C21orf58: variants seen among roughly 807,000 people sequenced by gnomAD.
The protein encoded by C21orf58 is chromosome 21 open reading frame 58, also known as uncharacterized protein C21orf58.
Under a neutral mutation model 35.8 loss-of-function variants are expected in C21orf58, and 34 were observed. That is an observed-to-expected ratio of 0.95 (90% CI 0.72 to 1.26). The LOEUF (loss-of-function observed/expected upper bound fraction) is 1.26, where lower values mean the gene tolerates loss of function less well. Ranked by LOEUF, C21orf58 falls within the 50% of genes most tolerant of loss-of-function variation. The pLI is 0.00. For missense variants in C21orf58, 440 were observed against 414.3 expected (o/e 1.06, Z -0.54); for synonymous variants, 191 against 175.8 (o/e 1.09, Z -0.68).
At chr21:46,317,966 AGCCT>A in intron 2 of C21orf58, 42 bp downstream of exon 2, 2 of 1,603,012 alleles carry the variant, frequency 1.2e-6, no homozygotes, top group Non-Finnish European at 1.7e-6. Flanking sequence ...CCAACGCCAC[AGCCT>A]GCGAGTTGTT....
In C21orf58 at chr21:46,302,495, G is replaced by A. The variant is rs575186225; in HGVS notation, c.803C>T (p.Pro268Leu). Residue 268 changes from proline to leucine, a missense_variant, in exon 7 of 8, where the codon CCA becomes CTA. Physicochemically the swap from Pro to Leu is moderately conservative, Grantham distance 98. Coordinates refer to ENST00000291691, the MANE Select transcript of C21orf58 (RefSeq NM_058180.5). ...GGGGGCTAAGCCTACCTGCAGGGCT[G>A]GGGGCAGGGCCTTGAGCATCCAGTT... ...LQNWMLKALP[P>L]ALQDPPHVPP... is the part of the protein sequence containing the mutation. 1.2e-6 allele frequency: 2 copies of A among 1,609,034 alleles called. No homozygotes were observed. The highest frequency in any genetic ancestry group is 1.1e-5 in the South Asian group (1 of 90,336).
At chr21:46,306,440 A>G (rs980516523) in intron 6 of C21orf58, among the ~76,000 whole-genome samples, 1 of 152,150 alleles carries the variant, frequency 6.6e-6, no homozygotes, top group Non-Finnish European at 1.5e-5. Flanking sequence ...CGGAGGTTGC[A>G]TTGAGCTGAG....
intron 6 of C21orf58, among the ~76,000 whole-genome samples, chr21:46,309,695 A>G (rs2082586201): frequency 6.6e-6 from 1 of 151,762 alleles, no homozygotes. Context: ...GACCATTTCT[A>G]CAAAAATCTA....
chr21:46,302,094 G>GGTA lies in C21orf58; in HGVS notation c.873_874insTAC (p.Val291_His292insTyr), dbSNP rs35902237. On this transcript the variant is annotated inframe_insertion, in exon 8 of 8. Transcript: ENST00000291691. ...GCATGGTGGTGGTGGTGGTGGTGGT[G>GGTA]CACGGCAGGCAGCCTTGGCCTGGCA... 1 of 1,532,200 alleles carries GGTA rather than the reference G, an allele frequency of 6.5e-7. No homozygotes were observed. 94.9% of individuals were successfully genotyped at this position (1,532,200 alleles called of 1,614,324 possible).
At position 46,323,790 on chromosome 21, in the gene C21orf58, C is replaced by T; in HGVS notation, c.-1052G>A. The T allele has an allele frequency of 3.3e-6, 1 of 304,396 alleles. No homozygotes were observed. The highest frequency in any genetic ancestry group is 6.4e-6 in the Non-Finnish European group (1 of 157,462). 18.9% of individuals were successfully genotyped at this position (304,396 alleles called of 1,614,324 possible). A position where few individuals can be genotyped will look rare whatever the true frequency, so the allele number is the denominator to read the frequency against. ...TGAGCACCGTTCGGCGCCGCCCGCGCCTGCAGGGAGCCCGGCCCGCTGTCC... is the reference window on the plus strand; with the variant it reads ...TGAGCACCGTTCGGCGCCGCCCGCGTCTGCAGGGAGCCCGGCCCGCTGTCC... On this transcript the variant is annotated 5_prime_UTR_variant, in exon 1 of 8. Coordinates refer to ENST00000291691, the MANE Select transcript of C21orf58 (RefSeq NM_058180.5).
rs779127294 is a variant in C21orf58, at chr21:46,315,576, A to G, written c.371-29T>C. 2.7e-6 allele frequency: 4 copies of G among 1,482,338 alleles called. No individual in the cohort carries two copies. The East Asian group carries it at 6.8e-5, about 25-fold the overall frequency. The allele number at this position is 1,482,338 out of a possible 1,614,324, so 91.8% of individuals were successfully genotyped here. A position where few individuals can be genotyped will look rare whatever the true frequency, so the allele number is the denominator to read the frequency against. Reference sequence around the variant, plus strand: ...GAGGGAAGAACCTGCTTGCTTACCAAGGAACGCGTAGAGGCTGTCGCTGCA... The same window carrying G: ...GAGGGAAGAACCTGCTTGCTTACCAGGGAACGCGTAGAGGCTGTCGCTGCA... On this transcript the variant is annotated intron_variant, in intron 3 of 7. Coordinates refer to ENST00000291691, the MANE Select transcript of C21orf58 (RefSeq NM_058180.5).
At chr21:46,314,692 T>C (rs1352079372) in intron 5 of C21orf58, 24 bp downstream of exon 5, 3 of 1,417,730 alleles carry the variant, frequency 2.1e-6, no homozygotes, top group Admixed American at 5.6e-5. Context: ...CTCTCAGATG[T>C]GCTCCTCGAC....
chr21:46,322,403 T>G (rs2083199057), intron 1 of C21orf58: 3 of 983,042 alleles, frequency 3.1e-6, no homozygotes, highest in Non-Finnish European at 3.6e-6. Flanking sequence ...TAGGCAAACC[T>G]GGGCACATCC....
chr21:46,308,522 G>T (rs2145982214), intron 6 of C21orf58, among the ~76,000 whole-genome samples: 1 of 152,254 alleles, frequency 6.6e-6, no homozygotes, highest in South Asian at 2.1e-4. Flanking sequence ...TTACCCAAGA[G>T]AAATGAAAGC....
chr21:46,305,890 T>C (rs553931460), intron 6 of C21orf58, among the ~76,000 whole-genome samples: 14 of 151,232 alleles, frequency 9.3e-5, no homozygotes, highest in Non-Finnish European at 1.5e-4. Context: ...TGCAGTGAGC[T>C]GAGATTGCGC....
rs2083235239 is a variant in C21orf58 at position 46,323,210 on chromosome 21, G to A, written c.-472C>T. ...CACAGGCGGTGCGGACCCCGGGACT[G>A]TGTCCGGGCTTCGGTGTCCAGAGAG... On this transcript the variant is annotated 5_prime_UTR_variant, in exon 1 of 8. Coordinates refer to ENST00000291691, the MANE Select transcript of C21orf58 (RefSeq NM_058180.5). The A allele has an allele frequency of 6.6e-6, 1 of 152,410 alleles. No individual in the cohort carries two copies. Among genetic ancestry groups the A allele is most frequent in the Non-Finnish European group, 1.5e-5 (1 of 68,174 alleles). The allele number at this position is 152,410 out of a possible 1,614,324, so 9.4% of individuals were successfully genotyped here.
At chr21:46,303,703 C>T (rs71326313) in intron 6 of C21orf58, among the ~76,000 whole-genome samples, 1 of 55,156 alleles carries the variant, frequency 1.8e-5, no homozygotes, top group Non-Finnish European at 3.9e-5. Flanking sequence ...CACACACACA[C>T]ACAAAATATA....
intron 3 of C21orf58, 64 bp downstream of exon 3, chr21:46,317,144 T>TC: frequency 3.4e-6 from 5 of 1,478,542 alleles, no homozygotes; most frequent in Non-Finnish European, 4.6e-6. Context: ...TGGAGGTGGC[T>TC]CCCCCTGGAG....
intron 6 of C21orf58, among the ~76,000 whole-genome samples, chr21:46,306,815 T>C (rs2082438191): frequency 6.6e-6 from 1 of 152,174 alleles, no homozygotes; most frequent in South Asian, 2.1e-4. Flanking sequence ...CTGGAACTCC[T>C]GAGCTCAAGC....
At chr21:46,318,665 C>T in intron 1 of C21orf58, 1 of 1,060,400 alleles carries the variant, frequency 9.4e-7, no homozygotes, top group Non-Finnish European at 1.1e-6. Context: ...AGGAGACTGC[C>T]TACCAAGGAG....
chr21:46,317,273 G>A lies in C21orf58; in HGVS notation c.310-5C>T, dbSNP rs765679251. On this transcript the variant is annotated splice_polypyrimidine_tract_variant and splice_region_variant and intron_variant, in intron 2 of 7. Coordinates refer to ENST00000291691, the MANE Select transcript of C21orf58 (RefSeq NM_058180.5). ...CTGCCGTTCTTGCTCCAGCTTCTGTGAGGAAGAGAGACCGTGACAGAGACG... is the reference window on the plus strand; with the variant it reads ...CTGCCGTTCTTGCTCCAGCTTCTGTAAGGAAGAGAGACCGTGACAGAGACG... The A allele has an allele frequency of 6.2e-7, 1 of 1,610,914 alleles. No individual in the cohort carries two copies. The highest frequency in any genetic ancestry group is 1.7e-4 in the Middle Eastern group (1 of 6,058).
rs372214363 is a variant in C21orf58, at chr21:46,322,638, C to T, written c.100+1G>A. The T allele has an allele frequency of 8.1e-5, 126 of 1,557,326 alleles. No individual in the cohort carries two copies. The highest frequency in any genetic ancestry group is 1.0e-4 in the Non-Finnish European group (120 of 1,150,600). On this transcript the variant is annotated splice_donor_variant, in intron 1 of 7. Transcript: ENST00000291691. LOFTEE classifies it high-confidence loss of function. ...AGGAGACCGCTGGACACCCCGCTCA[C>T]CACACAGAAGACTGTGGCCTGAGTC...
chr21:46,320,745 A>C (rs1368045837), intron 1 of C21orf58: 1 of 152,210 alleles, frequency 6.6e-6, no homozygotes, highest in Non-Finnish European at 1.5e-5. Flanking sequence ...CTGCTGCTGC[A>C]GGCTCTGCCC....
intron 5 of C21orf58, among the ~76,000 whole-genome samples, chr21:46,312,457 T>C (rs2146043641): frequency 6.6e-6 from 1 of 152,304 alleles, no homozygotes; most frequent in South Asian, 2.1e-4. Flanking sequence ...TAGCTGGGAT[T>C]ACAGGCGCCT....
Sources: gnomAD v4.1 joint callset for allele counts (sites outside exome capture counted in the v4.1 genomes callset) on GRCh38, gnomAD v4.1.1 for gene constraint, MANE v1.5 for transcripts, NCBI Gene and HGNC (gene_info 2026-07-23, HGNC 2026-07-21) for gene names.